HEPACAM2: variants seen among roughly 807,000 people sequenced by gnomAD.
HEPACAM2 encodes the protein HEPACAM family member 2.
Under a neutral mutation model 49.6 loss-of-function variants are expected in HEPACAM2, and 49 were observed. That is an observed-to-expected ratio of 0.99 (90% confidence interval 0.78 to 1.25). The LOEUF is 1.25. Ranked by LOEUF, HEPACAM2 falls within the 50% of genes most tolerant of loss-of-function variation. The probability of loss-of-function intolerance (pLI) is 0.00; values close to 1 mark genes in which losing one functional copy is unlikely to be tolerated. For synonymous variants in HEPACAM2, 197 were observed against 202.9 expected, an observed-to-expected ratio of 0.97 and a Z score of 0.25; for missense variants, 525 against 557.2, an observed-to-expected ratio of 0.94 and a Z score of 0.58.
At chr7:93,195,789 A>G (rs757730669) in intron 8 of HEPACAM2, 39 bp downstream of exon 8, 2 of 1,503,622 alleles carry the variant, frequency 1.3e-6, no homozygotes, top group Non-Finnish European at 1.8e-6. Context: ...GTGAAGCAGA[A>G]TTCTACTTCT....
In HEPACAM2 at chr7:93,192,234, A is replaced by C. The variant is rs771640769; in HGVS notation, c.1385+20T>G. ...TGCTTAGCCTCTCCATAGCACCATC[A>C]AATGCAGATTCGTACTTACTCTGGA... On this transcript the variant is annotated intron_variant, in intron 9 of 9. Coordinates refer to ENST00000394468, the MANE Select transcript of HEPACAM2 (RefSeq NM_001039372.4). 1.3e-6 allele frequency: 2 copies of C among 1,557,264 alleles called. No homozygotes were observed. The highest frequency in any genetic ancestry group is 1.7e-5 in the Admixed American group (1 of 59,752).
chr7:93,193,964 T>G (rs181139951), intron 8 of HEPACAM2, among the ~76,000 whole-genome samples: 1 of 152,252 alleles, frequency 6.6e-6, no homozygotes, highest in Non-Finnish European at 1.5e-5. Context: ...CCTTTGGTTG[T>G]TGGTCTTGAT....
chr7:93,200,367 G>A (rs534642204), intron 4 of HEPACAM2, among the ~76,000 whole-genome samples: 2 of 152,002 alleles, frequency 1.3e-5, no homozygotes, highest in Non-Finnish European at 2.9e-5. Flanking sequence ...AACTGTGACT[G>A]AGCAAAACAA....
intron 9 of HEPACAM2, among the ~76,000 whole-genome samples, chr7:93,189,914 A>G (rs1395870777): frequency 6.6e-6 from 1 of 151,974 alleles, no homozygotes; most frequent in Non-Finnish European, 1.5e-5. Context: ...CTTTGAATTT[A>G]ATTGGACCTA....
intron 7 of HEPACAM2, 78 bp from the exon 8 acceptor site, chr7:93,195,979 T>A: frequency 1.0e-6 from 1 of 982,978 alleles, no homozygotes; most frequent in Non-Finnish European, 1.6e-6. Flanking sequence ...GTAAAACTTA[T>A]CTTTATTGTC....
chr7:93,204,754 T>A (rs1793986756), intron 4 of HEPACAM2, among the ~76,000 whole-genome samples: 1 of 152,158 alleles, frequency 6.6e-6, no homozygotes, highest in Non-Finnish European at 1.5e-5. Flanking sequence ...CCATATGGTT[T>A]CACCAACATT....
intron 3 of HEPACAM2, among the ~76,000 whole-genome samples, chr7:93,214,181 A>AT: frequency 6.6e-6 from 1 of 152,262 alleles, no homozygotes; most frequent in East Asian, 1.9e-4. Context: ...CTGATGTTTC[A>AT]TTTTTTAAAA....
At chr7:93,202,208 A>G (rs114771859) in intron 4 of HEPACAM2, among the ~76,000 whole-genome samples, 2,327 of 150,772 alleles carry the variant, frequency 0.015, 68 homozygotes, top group African/African-American at 0.054. Context: ...AGATCTGACA[A>G]TAAAATAAAA....
intron 7 of HEPACAM2, 134 bp from the exon 8 acceptor site, chr7:93,196,035 T>G (rs2116635444): frequency 3.1e-6 from 2 of 642,096 alleles, no homozygotes; most frequent in Non-Finnish European, 5.4e-6. Flanking sequence ...ATTTCCTAAT[T>G]CCTATAGTCG....
upstream of HEPACAM2, among the ~76,000 whole-genome samples, chr7:93,230,922 A>G (rs961675086): frequency 1.2e-4 from 19 of 152,256 alleles, no homozygotes; most frequent in South Asian, 8.3e-4. Flanking sequence ...ATCAAAACCA[A>G]TAATACCTCA....
chr7:93,216,768 G>A (rs1194445434), intron 2 of HEPACAM2, among the ~76,000 whole-genome samples: 2 of 152,174 alleles, frequency 1.3e-5, no homozygotes, highest in Admixed American at 1.3e-4. Flanking sequence ...ACATGACACA[G>A]AGAGAATAGG....
chr7:93,208,440 A>G, intron 4 of HEPACAM2, 140 bp downstream of exon 4: 2 of 734,674 alleles, frequency 2.7e-6, no homozygotes, highest in Non-Finnish European at 4.2e-6. Context: ...GGCTTAGTTA[A>G]CTTTGGAAAG....
Position 93,199,558 on chromosome 7 carries a change from T to A in HEPACAM2, c.1013-1948A>T, listed in dbSNP as rs1027127128. Among the ~76,000 whole-genome samples, 7 of 152,056 alleles carry A rather than the reference T, an allele frequency of 4.6e-5. No homozygotes were observed. In the South Asian group the frequency reaches 1.0e-3, roughly 22 times the overall value. On this transcript the variant is annotated intron_variant, in intron 4 of 9. Transcript: ENST00000394468. ...GACTCTCAGGGTTTTGATTTTCACA[T>A]TAGTATAATGAGGAGGCAAGAGTGA...
At chr7:93,198,116 A>G (rs1793783475) in intron 4 of HEPACAM2, among the ~76,000 whole-genome samples, 1 of 152,150 alleles carries the variant, frequency 6.6e-6, no homozygotes, top group Admixed American at 6.6e-5. Context: ...ACCATAAATG[A>G]TGAAAAAAAT....
intron 3 of HEPACAM2, among the ~76,000 whole-genome samples, chr7:93,212,702 A>G (rs978083881): frequency 4.6e-5 from 7 of 151,960 alleles, no homozygotes; most frequent in African/African-American, 9.7e-5. Context: ...CACACTCTAC[A>G]TGTTGCTTAC....
intron 8 of HEPACAM2, among the ~76,000 whole-genome samples, chr7:93,193,846 G>C (rs1181478069): frequency 6.6e-6 from 1 of 152,030 alleles, no homozygotes; most frequent in African/African-American, 2.4e-5. Context: ...TTTTCTAAAG[G>C]CCATTGCATT....
At chr7:93,213,385 A>T (rs1281851482) in intron 3 of HEPACAM2, among the ~76,000 whole-genome samples, 2 of 152,062 alleles carry the variant, frequency 1.3e-5, no homozygotes, top group Non-Finnish European at 2.9e-5. Context: ...TTCTGCCAAA[A>T]TAAAAAATAG....
upstream of HEPACAM2, among the ~76,000 whole-genome samples, chr7:93,230,914 C>T (rs548247839): frequency 5.3e-5 from 8 of 152,170 alleles, no homozygotes; most frequent in South Asian, 2.1e-4. Flanking sequence ...TGGGCAGAAT[C>T]AAAACCAATA....
chr7:93,189,547 C>T (rs548193966), intron 9 of HEPACAM2, among the ~76,000 whole-genome samples: 4 of 151,826 alleles, frequency 2.6e-5, no homozygotes, highest in Admixed American at 1.3e-4. Flanking sequence ...TAAACCCTAC[C>T]AAGAGCATTT....
Sources: allele counts gnomAD v4.1 joint callset (sites outside exome capture counted in the v4.1 genomes callset), GRCh38; gene constraint gnomAD v4.1.1; transcripts MANE v1.5; gene names NCBI Gene and HGNC (gene_info 2026-07-23, HGNC 2026-07-21).